Variants in COL24A1 observed in about 807,000 individuals in gnomAD.
The protein encoded by COL24A1 is collagen type XXIV alpha 1 chain.
In COL24A1, 224 loss-of-function variants were observed where a neutral mutation model predicts 253.9. That is an observed-to-expected ratio of 0.88 (90% CI 0.79 to 0.99). The LOEUF is 0.99. COL24A1 is among the 50% of genes least tolerant of loss of function. The probability of loss-of-function intolerance (pLI) is 0.00; values close to 1 mark genes in which losing one functional copy is unlikely to be tolerated. For missense variants in COL24A1, 2,131 were observed against 2,068.5 expected, an observed-to-expected ratio of 1.03 and a Z score of -0.59; for synonymous variants, 685 against 673.7, an observed-to-expected ratio of 1.02 and a Z score of -0.26.
intron 57 of COL24A1, among the ~76,000 whole-genome samples, chr1:85,738,187 G>A (rs7541996): frequency 0.037 from 5,684 of 152,148 alleles, 383 homozygotes; most frequent in African/African-American, 0.13. Context: ...TGAAGTATAT[G>A]TGTATATTTC....
At chr1:85,921,502 C>A (rs1299290940) in intron 24 of COL24A1, among the ~76,000 whole-genome samples, 2 of 152,186 alleles carry the variant, frequency 1.3e-5, no homozygotes, top group Non-Finnish European at 2.9e-5. Flanking sequence ...TGCTGTTCTG[C>A]AGCCTCCACT....
intron 24 of COL24A1, among the ~76,000 whole-genome samples, chr1:85,925,231 G>A (rs1323691094): frequency 6.6e-6 from 1 of 152,054 alleles, no homozygotes; most frequent in African/African-American, 2.4e-5. Flanking sequence ...CAATATCATG[G>A]TAATGGCCAT....
intron 7 of COL24A1, among the ~76,000 whole-genome samples, chr1:86,084,751 T>G (rs1702933076): frequency 6.6e-6 from 1 of 152,188 alleles, no homozygotes; most frequent in Admixed American, 6.5e-5. Context: ...ACAGGGAAGT[T>G]TTCAAAGTCC....
intron 53 of COL24A1, among the ~76,000 whole-genome samples, chr1:85,767,323 C>T (rs1046648414): frequency 5.3e-5 from 8 of 152,068 alleles, no homozygotes; most frequent in East Asian, 1.9e-4. Context: ...ACCAATTAGG[C>T]GTCTTTAGCC....
In COL24A1 at chr1:85,784,315, G is replaced by C. The variant is rs182355949; in HGVS notation, c.4111C>G (p.Arg1371Gly). The change falls in exon 49 of 60, where the codon CGA (arginine) becomes GGA (glycine). Residue 1371 changes from arginine to glycine, a missense_variant. Transcript: ENST00000370571. ...GGTCCTTGATCACCTTGTGCTCCTC[G>C]GTGACCTCTTTTACCTTGAATTCCA... ...QPGIQGKRGH[R>G]GAQGDQGPCG... The C allele has an allele frequency of 1.2e-4, 197 of 1,613,976 alleles. No individual in the cohort carries two copies. Among genetic ancestry groups the C allele is most frequent in the Admixed American group, 2.7e-4 (16 of 59,996 alleles).
At chr1:86,110,523 G>A (rs1705442736) in intron 5 of COL24A1, among the ~76,000 whole-genome samples, 2 of 151,986 alleles carry the variant, frequency 1.3e-5, no homozygotes, top group Admixed American at 6.5e-5. Flanking sequence ...GGCCCAGGAG[G>A]GAGCCAGCTC....
chr1:86,017,021 A>G, intron 19 of COL24A1, 130 bp downstream of exon 19: 1 of 862,748 alleles, frequency 1.2e-6, no homozygotes, highest in Non-Finnish European at 1.8e-6. Context: ...ATGTAGTCCA[A>G]ACTATTTACG....
At chr1:85,770,660 A>C (rs2101293486) in intron 53 of COL24A1, among the ~76,000 whole-genome samples, 1 of 152,330 alleles carries the variant, frequency 6.6e-6, no homozygotes, top group East Asian at 1.9e-4. Context: ...AAATCTATAC[A>C]ATAAAAAACT....
chr1:85,964,702 G>T (rs1013030696), intron 23 of COL24A1, among the ~76,000 whole-genome samples: 3 of 152,184 alleles, frequency 2.0e-5, no homozygotes, highest in Admixed American at 6.5e-5. Flanking sequence ...GGAGCATTTT[G>T]AATTTCAGAT....
chr1:85,909,560 C>T (rs1685171027), intron 26 of COL24A1, among the ~76,000 whole-genome samples: 1 of 151,746 alleles, frequency 6.6e-6, no homozygotes, highest in African/African-American at 2.4e-5. Context: ...GGAAGAATGG[C>T]AGTGCTGATA....
chr1:86,089,655 C>T (rs1221759459), intron 6 of COL24A1, among the ~76,000 whole-genome samples: 1 of 152,054 alleles, frequency 6.6e-6, no homozygotes, highest in African/African-American at 2.4e-5. Context: ...CCCGTCTCTA[C>T]TAAAAATACA....
intron 22 of COL24A1, among the ~76,000 whole-genome samples, chr1:85,965,458 C>T (rs978417198): frequency 3.4e-4 from 52 of 152,052 alleles, no homozygotes; most frequent in African/African-American, 1.2e-3. Context: ...TTGTAAGATT[C>T]CAGGAAAGAA....
intron 19 of COL24A1, among the ~76,000 whole-genome samples, chr1:85,997,055 G>GTGTGTGTGTGTGTGTATA: frequency 2.1e-5 from 2 of 95,116 alleles, no homozygotes; most frequent in African/African-American, 3.2e-5. Flanking sequence ...GTGTGTGTGT[G>GTGTGTGTGTGTGTGTATA]TATATATATA....
intron 20 of COL24A1, among the ~76,000 whole-genome samples, chr1:85,982,969 A>G (rs1267664205): frequency 6.6e-6 from 1 of 152,040 alleles, no homozygotes; most frequent in African/African-American, 2.4e-5. Flanking sequence ...AAAACTGTGT[A>G]GAGTTATACA....
At chr1:85,737,543 A>G (rs767384596) in intron 57 of COL24A1, 38 bp from the exon 58 acceptor site, 2 of 1,355,170 alleles carry the variant, frequency 1.5e-6, no homozygotes. Flanking sequence ...TAAAGTTATT[A>G]AATGCCATAA....
chr1:85,828,011 G>A (rs1262894820), intron 43 of COL24A1, among the ~76,000 whole-genome samples: 1 of 152,042 alleles, frequency 6.6e-6, no homozygotes, highest in South Asian at 2.1e-4. Context: ...TAATTGTGAT[G>A]TTAGGGTGTC....
chr1:85,947,517 T>C (rs1277069676), intron 24 of COL24A1, among the ~76,000 whole-genome samples: 2 of 152,206 alleles, frequency 1.3e-5, no homozygotes, highest in African/African-American at 4.8e-5. Context: ...TGCACATATT[T>C]TCATGTTGGA....
rs1038371530 is a variant in COL24A1, at chr1:85,896,037, C to G, written c.2861G>C (p.Gly954Ala). 10 of 1,612,098 alleles carry G rather than the reference C, an allele frequency of 6.2e-6. No homozygotes were observed. In the Admixed American group the frequency reaches 1.3e-4, roughly 22 times the overall value. ...ATTACTTACAATAAGACCATGAGGC[C>G]CTCTTTTTCCTTGATCTCCTTTTTC... ...KGEKGDQGKR[G>A]PHGLIGKTGN... is the part of the protein sequence containing the mutation. The change falls in exon 30 of 60, where the codon GGG becomes GCG. Residue 954 changes from glycine (G) to alanine (A), a missense_variant. By Grantham distance (60) the Gly-to-Ala change is moderately conservative. Transcript: ENST00000370571.
chr1:85,946,215 A>C (rs1254085196), intron 24 of COL24A1, among the ~76,000 whole-genome samples: 1 of 152,174 alleles, frequency 6.6e-6, no homozygotes, highest in Non-Finnish European at 1.5e-5. Flanking sequence ...GATAATATTT[A>C]ACATGTTATA....
Sources: gnomAD v4.1 joint callset for allele counts (sites outside exome capture counted in the v4.1 genomes callset) on GRCh38, gnomAD v4.1.1 for gene constraint, MANE v1.5 for transcripts, NCBI Gene and HGNC (gene_info 2026-07-23, HGNC 2026-07-21) for gene names.